Variants in RBFOX1 observed in about 807,000 individuals in gnomAD.
The protein encoded by RBFOX1 is RNA binding protein fox-1 homolog 1.
In RBFOX1, 8 loss-of-function variants were observed where a neutral mutation model predicts 57.7. That is an observed-to-expected ratio of 0.14 (90% CI 0.08 to 0.25). The LOEUF (loss-of-function observed/expected upper bound fraction) is 0.25, where lower values mean the gene tolerates loss of function less well. Among genes scored for constraint, RBFOX1 ranks in the 10% least tolerant of loss-of-function variants. RBFOX1 has a pLI of 1.00. For missense variants in RBFOX1, 611 were observed against 548.5 expected (o/e 1.11, Z -1.14); for synonymous variants, 326 against 222.4 (o/e 1.47, Z -4.15).
chr16:7,223,335 A>T (rs184749900), intron 4 of RBFOX1, among the ~76,000 whole-genome samples: 119 of 152,328 alleles, frequency 7.8e-4, no homozygotes, highest in Admixed American at 6.8e-3. Context: ...GTGAGGATAG[A>T]ATTTGACAGT....
intron 4 of RBFOX1, among the ~76,000 whole-genome samples, chr16:7,390,283 C>G (rs2097977410): frequency 6.6e-6 from 1 of 152,120 alleles, no homozygotes; most frequent in South Asian, 2.1e-4. Context: ...CAAACCATAT[C>G]AGGGGTCTAG....
intron 3 of RBFOX1, among the ~76,000 whole-genome samples, chr16:5,759,954 G>A (rs1196690944): frequency 6.6e-6 from 1 of 150,622 alleles, no homozygotes; most frequent in Non-Finnish European, 1.5e-5. Flanking sequence ...CAACTGCACT[G>A]AAAATGTAGG....
intron 2 of RBFOX1, among the ~76,000 whole-genome samples, chr16:6,548,326 T>C (rs1243349295): frequency 1.3e-5 from 2 of 152,198 alleles, no homozygotes; most frequent in African/African-American, 4.8e-5. Context: ...AGAGTGGTGC[T>C]TAAAAGAATA....
intron 4 of RBFOX1, among the ~76,000 whole-genome samples, chr16:5,990,394 G>A (rs1011886018): frequency 6.6e-6 from 1 of 152,198 alleles, no homozygotes; most frequent in Admixed American, 6.5e-5. Context: ...CTGAGCACTG[G>A]ACAAAGCATT....
At position 7,380,647 on chromosome 16, in the gene RBFOX1, C is replaced by G. The variant is rs542485605; in HGVS notation, c.28-137500C>G. On this transcript the variant is annotated intron_variant, in intron 4 of 15. Transcript: ENST00000550418. ...CAGACGCTGGCAGCAGCTCACACCG[C>G]TGATCATCCAAATGTTTTGTCTTTG... Among the ~76,000 whole-genome samples the G allele has an allele frequency of 2.0e-5, 3 of 152,370 alleles. No homozygotes were observed. In the South Asian group the frequency reaches 6.2e-4, roughly 32 times the overall value.
At chr16:6,708,036 C>A (rs1345918693) in intron 3 of RBFOX1, among the ~76,000 whole-genome samples, 2 of 152,004 alleles carry the variant, frequency 1.3e-5, no homozygotes, top group African/African-American at 4.8e-5. Context: ...GAAGAAAGGC[C>A]CTTTTCCATC....
intron 3 of RBFOX1, among the ~76,000 whole-genome samples, chr16:6,676,152 A>ACG (rs2057635754): frequency 1.7e-5 from 2 of 116,142 alleles, no homozygotes; most frequent in Admixed American, 1.8e-4. Context: ...GCACACACAC[A>ACG]CACACACACA....
rs116355330 is a variant in RBFOX1, at chr16:7,067,921, G to A, written c.27+15823G>A. Among the ~76,000 whole-genome samples the A allele has an allele frequency of 3.1e-3, 462 of 150,324 alleles. 2 individuals are homozygous for A. Among genetic ancestry groups the A allele is most frequent in the Middle Eastern group, 0.014 (4 of 290 alleles). On this transcript the variant is annotated intron_variant, in intron 4 of 15. Transcript: ENST00000550418. ...TGGTGTATTTTACTGGGTGTGAGCT[G>A]AGGGTCATTCCTAGTGTCTAGAGGG...
rs559182332 is a variant in RBFOX1 at position 7,178,495 on chromosome 16, C to T, written c.27+126397C>T. 6.6e-5 allele frequency among the ~76,000 whole-genome samples: 10 copies of T among 152,228 alleles called. No homozygotes were observed. In the East Asian group the frequency reaches 1.2e-3, roughly 18 times the overall value. On this transcript the variant is annotated intron_variant, in intron 4 of 15. Coordinates refer to ENST00000550418, the MANE Select transcript of RBFOX1 (RefSeq NM_018723.4). Reference sequence around the variant, plus strand: ...TCATAAATTGATTCAATTGATGTATCGATTGACTGATAATCATTACTAAAC... The same window carrying T: ...TCATAAATTGATTCAATTGATGTATTGATTGACTGATAATCATTACTAAAC...
At chr16:6,619,230 C>T (rs1480765817) in intron 2 of RBFOX1, among the ~76,000 whole-genome samples, 2 of 151,966 alleles carry the variant, frequency 1.3e-5, no homozygotes, top group Non-Finnish European at 2.9e-5. Context: ...AGTGAGGCAG[C>T]TGGGCTAACA....
intron 3 of RBFOX1, among the ~76,000 whole-genome samples, chr16:5,733,500 G>A (rs2052457705): frequency 6.6e-6 from 1 of 152,150 alleles, no homozygotes; most frequent in Non-Finnish European, 1.5e-5. Flanking sequence ...GCTGCCCTGG[G>A]CCGGGGTGGT....
At chr16:5,687,831 G>A (rs745784134) in intron 3 of RBFOX1, among the ~76,000 whole-genome samples, 4 of 152,122 alleles carry the variant, frequency 2.6e-5, no homozygotes, top group Non-Finnish European at 5.9e-5. Flanking sequence ...TTAGGTGGAC[G>A]TTTTATATTT....
intron 1 of RBFOX1, among the ~76,000 whole-genome samples, chr16:5,250,417 T>A (rs1423765199): frequency 1.3e-5 from 2 of 152,168 alleles, no homozygotes; most frequent in Admixed American, 1.3e-4. Flanking sequence ...ACACTCTCCC[T>A]CCCCTTGTCC....
chr16:7,206,616 T>A (rs1219290102), intron 4 of RBFOX1, among the ~76,000 whole-genome samples: 1 of 152,104 alleles, frequency 6.6e-6, no homozygotes, highest in African/African-American at 2.4e-5. Flanking sequence ...GTACTCAAGT[T>A]GAAGTGCTAA....
intron 3 of RBFOX1, among the ~76,000 whole-genome samples, chr16:5,790,342 C>G (rs551170558): frequency 3.2e-4 from 49 of 152,192 alleles, no homozygotes; most frequent in Middle Eastern, 3.4e-3. Context: ...GGAGAAACCC[C>G]TGCATTTTCC....
intron 2 of RBFOX1, among the ~76,000 whole-genome samples, chr16:5,587,724 A>G (rs1301937660): frequency 1.3e-5 from 2 of 152,144 alleles, no homozygotes; most frequent in Non-Finnish European, 2.9e-5. Context: ...AAAAAGTCAG[A>G]TAATTTTAAG....
chr16:6,611,347 A>G lies in RBFOX1; in HGVS notation c.-63-43256A>G, dbSNP rs141823656. Among the ~76,000 whole-genome samples the G allele has an allele frequency of 5.9e-3, 893 of 152,174 alleles. 9 individuals are homozygous for G. Among genetic ancestry groups the G allele is most frequent in the Non-Finnish European group, 8.4e-3 (571 of 67,988 alleles). ...TTTTTAGTAGAGACAGGGTTTTGCC[A>G]TGTTGGCCAGGCTGATCTCAAACTC... is the stretch of plus-strand genomic sequence containing the variant. On this transcript the variant is annotated intron_variant, in intron 2 of 15. Transcript: ENST00000550418.
chr16:5,945,225 C>G (rs1051916875), intron 4 of RBFOX1, among the ~76,000 whole-genome samples: 2 of 152,286 alleles, frequency 1.3e-5, no homozygotes, highest in East Asian at 1.9e-4. Flanking sequence ...GATAAAAAAG[C>G]TGCCTGGCCC....
intron 4 of RBFOX1, among the ~76,000 whole-genome samples, chr16:7,236,479 C>T (rs2093773095): frequency 6.6e-6 from 1 of 152,120 alleles, no homozygotes; most frequent in Admixed American, 6.5e-5. Flanking sequence ...CTTTCTGCTC[C>T]ATGGTTCCTA....
Sources: gnomAD v4.1 joint callset for allele counts (sites outside exome capture counted in the v4.1 genomes callset) on GRCh38, gnomAD v4.1.1 for gene constraint, MANE v1.5 for transcripts, NCBI Gene and HGNC (gene_info 2026-07-23, HGNC 2026-07-21) for gene names.